BTBD8: variants seen among roughly 807,000 people sequenced by gnomAD.
The protein encoded by BTBD8 is BTB domain containing 8.
BTBD8 carries 110 observed loss-of-function variants against 162.9 expected under a neutral mutation model. The ratio of observed to expected loss-of-function variants is 0.68; its 90% CI spans 0.58 to 0.79. The LOEUF (loss-of-function observed/expected upper bound fraction) is 0.79. Among genes scored for constraint, BTBD8 ranks in the 30% least tolerant of loss-of-function variants. The pLI is 0.00. For synonymous variants in BTBD8, 667 were observed against 716.1 expected (o/e 0.93, Z 1.10); for missense variants, 1,905 against 2,085.4 (o/e 0.91, Z 1.68).
chr1:92,149,787 G>T (rs184761989), intron 9 of BTBD8, among the ~76,000 whole-genome samples: 2 of 152,124 alleles, frequency 1.3e-5, no homozygotes, highest in Admixed American at 6.5e-5. Flanking sequence ...CTCTTACTCC[G>T]GGCCAGGTAT....
At chr1:92,126,129 G>C in intron 4 of BTBD8, 1 of 493,478 alleles carries the variant, frequency 2.0e-6, no homozygotes, top group South Asian at 1.7e-5. Context: ...TACGGTAGCT[G>C]ATACATGGGA....
In BTBD8 at chr1:92,087,460, C is replaced by A. The variant is rs186858786; in HGVS notation, c.150-1238C>A. ...AAATATTGACCAAACTAAGATGCAT[C>A]TATTTGGCCATTATTTTCAAGGTTC... On this transcript the variant is annotated intron_variant, in intron 1 of 17. Transcript: ENST00000636805. Among the ~76,000 whole-genome samples, 145 of 152,198 alleles carry A rather than the reference C, an allele frequency of 9.5e-4. No homozygotes were observed. In the East Asian group the frequency reaches 0.013, roughly 14 times the overall value.
At chr1:92,124,688 G>A (rs1649305190) in intron 4 of BTBD8, among the ~76,000 whole-genome samples, 1 of 152,204 alleles carries the variant, frequency 6.6e-6, no homozygotes. Flanking sequence ...CCAGGTGTTT[G>A]AGATTAGCTA....
intron 3 of BTBD8, among the ~76,000 whole-genome samples, chr1:92,104,738 A>G (rs918195617): frequency 6.6e-6 from 1 of 152,104 alleles, no homozygotes; most frequent in Admixed American, 6.6e-5. Context: ...GCAGCCTTTC[A>G]TACTGTTAAT....
chr1:92,086,647 T>G (rs1648168912), intron 1 of BTBD8, among the ~76,000 whole-genome samples: 1 of 151,228 alleles, frequency 6.6e-6, no homozygotes, highest in Non-Finnish European at 1.5e-5. Context: ...AAAAAGGAAA[T>G]TTGATTGCCA....
At chr1:92,170,262 C>T (rs1221817830) in intron 12 of BTBD8, among the ~76,000 whole-genome samples, 8 of 152,016 alleles carry the variant, frequency 5.3e-5, no homozygotes, top group East Asian at 1.9e-4. Flanking sequence ...AAGGACTTTT[C>T]GTTCTGTTAC....
In BTBD8 at chr1:92,107,954, CCCAGATAT is replaced by C. The variant is rs1648777813; in HGVS notation, c.616_623del (p.Pro206Ter). 6.2e-7 allele frequency: 1 copy of C among 1,613,910 alleles called. No homozygotes were observed. The highest frequency in any genetic ancestry group is 8.5e-7 in the Non-Finnish European group (1 of 1,179,936). ...TGAAGCTTTATGTGAAACCTTGTTG[CCCAGATAT>C]TGATATTTTTGTTGATGGAAAACGT... is the stretch of plus-strand genomic sequence containing the variant. On this transcript the variant is annotated frameshift_variant, in exon 4 of 18. Coordinates refer to ENST00000636805, the MANE Select transcript of BTBD8 (RefSeq NM_001376131.1). LOFTEE classifies it high-confidence loss of function.
intron 4 of BTBD8, among the ~76,000 whole-genome samples, chr1:92,123,164 G>A (rs1272766835): frequency 6.6e-6 from 1 of 152,016 alleles, no homozygotes; most frequent in Non-Finnish European, 1.5e-5. Flanking sequence ...ATATGTATGT[G>A]GATCTACTTT....
chr1:92,164,564 A>C (rs1184910526), intron 9 of BTBD8, among the ~76,000 whole-genome samples: 1 of 151,866 alleles, frequency 6.6e-6, no homozygotes, highest in Non-Finnish European at 1.5e-5. Flanking sequence ...GGTTACAGTG[A>C]GCCGAGATTG....
In BTBD8 at chr1:92,181,115, T is replaced by C. The variant is rs1354806295; in HGVS notation, c.3432T>C (p.Asp1144=). The stretch of plus-strand genomic sequence containing the variant: ...AATCAAGTATTAAATGTGTGGAAGA[T>C]GTTTCACTGTGTAATCCTGAAAGGA... ...NKQSSIKCVE[D]VSLCNPERTN... is the part of the protein sequence containing the mutation. The change falls in exon 17 of 18, where the codon GAT becomes GAC. Residue 1144 remains aspartate, a synonymous_variant. Coordinates refer to ENST00000636805, the MANE Select transcript of BTBD8 (RefSeq NM_001376131.1). 2.6e-6 allele frequency: 4 copies of C among 1,551,514 alleles called. No individual in the cohort carries two copies. The African/African-American group carries it at 4.1e-5, about 16-fold the overall frequency.
Position 92,182,048 on chromosome 1 carries a change from C to A in BTBD8, c.4365C>A (p.Val1455=). 1 of 1,551,444 alleles carries A rather than the reference C, an allele frequency of 6.4e-7. No homozygotes were observed. ...AGCTGGGATCAGATGAAGGAGAAGTCCATACTCCCTTTCAGGCTTCTGTAG... is the reference window on the plus strand; with the variant it reads ...AGCTGGGATCAGATGAAGGAGAAGTACATACTCCCTTTCAGGCTTCTGTAG... ...CEELGSDEGE[V]HTPFQASVDS... Residue 1455 remains valine (V), a synonymous_variant, in exon 17 of 18, where the codon GTC becomes GTA. Transcript: ENST00000636805.
At chr1:92,138,167 T>TG (rs1649676946) in intron 5 of BTBD8, among the ~76,000 whole-genome samples, 1 of 152,170 alleles carries the variant, frequency 6.6e-6, no homozygotes. Context: ...ATTCAATTCT[T>TG]GAAGCAGATG....
chr1:92,081,285 A>G (rs938481862), intron 1 of BTBD8, among the ~76,000 whole-genome samples: 5 of 152,228 alleles, frequency 3.3e-5, no homozygotes, highest in African/African-American at 1.2e-4. Flanking sequence ...GGACCAAAGC[A>G]AATGGAGGGT....
chr1:92,167,163 T>C (rs200130417), intron 10 of BTBD8, 23 bp downstream of exon 10: 142 of 1,547,676 alleles, frequency 9.2e-5, no homozygotes, highest in Non-Finnish European at 1.1e-4. Context: ...AATTATATCC[T>C]ATATTTAGTT....
chr1:92,183,759 T>TTG (rs1323246681), intron 17 of BTBD8, 105 bp from the exon 18 acceptor site: 9 of 546,206 alleles, frequency 1.6e-5, no homozygotes, highest in African/African-American at 9.8e-5. Context: ...TTCTGTGTTT[T>TTG]TTTTTTTTTT....
chr1:92,101,859 G>T (rs114004767), intron 2 of BTBD8, among the ~76,000 whole-genome samples: 4 of 152,050 alleles, frequency 2.6e-5, no homozygotes, highest in Non-Finnish European at 4.4e-5. Context: ...ACCACACTCT[G>T]CTAAGTTTTT....
At chr1:92,176,160 C>T (rs1376884727) in intron 13 of BTBD8, among the ~76,000 whole-genome samples, 1 of 152,082 alleles carries the variant, frequency 6.6e-6, no homozygotes, top group Non-Finnish European at 1.5e-5. Context: ...ATTCTTCCCA[C>T]AGAGGATTAA....
chr1:92,154,636 A>T (rs1401422551), intron 9 of BTBD8, among the ~76,000 whole-genome samples: 1 of 152,046 alleles, frequency 6.6e-6, no homozygotes, highest in Non-Finnish European at 1.5e-5. Flanking sequence ...GTGTTATCAG[A>T]TTTTTGCTAT....
At chr1:92,104,900 C>G (rs1648684116) in intron 3 of BTBD8, among the ~76,000 whole-genome samples, 1 of 151,664 alleles carries the variant, frequency 6.6e-6, no homozygotes, top group African/African-American at 2.4e-5. Context: ...TATCCAACCA[C>G]TGACTAAACA....
Sources: allele counts gnomAD v4.1 joint callset (sites outside exome capture counted in the v4.1 genomes callset), GRCh38; gene constraint gnomAD v4.1.1; transcripts MANE v1.5; gene names NCBI Gene and HGNC (gene_info 2026-07-23, HGNC 2026-07-21).